The following PRKAG3 variants were observed in gnomAD, a reference collection of about 807,000 sequenced individuals.
The protein encoded by PRKAG3 is protein kinase AMP-activated non-catalytic subunit gamma 3.
Under a neutral mutation model 56.5 loss-of-function variants are expected in PRKAG3, and 39 were observed. The ratio of observed to expected loss-of-function variants is 0.69; its 90% confidence interval spans 0.53 to 0.90. The LOEUF is 0.90. Among genes scored for constraint, PRKAG3 ranks in the 40% least tolerant of loss-of-function variants. The pLI is 0.00. For synonymous variants in PRKAG3, 243 were observed against 250.1 expected (o/e 0.97, Z 0.27); for missense variants, 628 against 627.5 (o/e 1.00, Z -0.01).
intron 1 of PRKAG3, 31 bp downstream of exon 1, chr2:218,831,707 C>CCCGGCT: frequency 1.2e-6 from 2 of 1,605,012 alleles, no homozygotes; most frequent in Non-Finnish European, 1.7e-6. Flanking sequence ...CCTCAGCTGC[C>CCCGGCT]CCGGCTCCGG....
rs367736006 is a variant in PRKAG3 at position 218,828,076 on chromosome 2, C to A, written c.716-14G>T. ...TGGTCAGCATCCCTGCAGGGAGGGG[C>A]GGGGAGGAGGTCAGCCCGGGGCCTT... is the stretch of plus-strand genomic sequence containing the variant. On this transcript the variant is annotated splice_polypyrimidine_tract_variant and intron_variant, in intron 5 of 12. Transcript: ENST00000529249. 1 of 1,552,930 alleles carries A rather than the reference C, an allele frequency of 6.4e-7. No homozygotes were observed. The highest frequency in any genetic ancestry group is 8.7e-7 in the Non-Finnish European group (1 of 1,147,456).
Position 218,830,774 on chromosome 2 carries a change from C to T in PRKAG3, c.201G>A (p.Glu67=), listed in dbSNP as rs751090925. 65 of 1,612,788 alleles carry T rather than the reference C, an allele frequency of 4.0e-5. No individual in the cohort carries two copies. The South Asian group carries it at 6.3e-4, about 16-fold the overall frequency. Residue 67 remains glutamate, a synonymous_variant, in exon 3 of 13, where the codon GAG becomes GAA. Transcript: ENST00000529249. ...CCCCCTGACCTGGTGGCTCCCCTTC[C>T]TCCACCGACTTCTGCCTTGTCCATC...
chr2:218,830,753 C>A (rs1944009099), exon 3 of PRKAG3: 2 of 1,612,290 alleles, frequency 1.2e-6, no homozygotes, highest in African/African-American at 1.3e-5. Context: ...CACCTTCCCC[C>A]TGACCTGGTG....
chr2:218,830,446 T>C, intron 3 of PRKAG3, 65 bp from the exon 4 acceptor site: 1 of 1,539,354 alleles, frequency 6.5e-7, no homozygotes, highest in Non-Finnish European at 8.8e-7. Context: ...TCATCTGCTG[T>C]CGCCATTCAT....
At position 218,828,513 on chromosome 2, in the gene PRKAG3, C is replaced by T; in HGVS notation, c.715+6G>A. ...ATCTCCCTTCACCTCCCCAGCCTCTCCTCACCCACAAAGCTCTGCTTCTTG... is the reference window on the plus strand; with the variant it reads ...ATCTCCCTTCACCTCCCCAGCCTCTTCTCACCCACAAAGCTCTGCTTCTTG... On this transcript the variant is annotated splice_donor_region_variant and intron_variant, in intron 5 of 12. Coordinates refer to ENST00000529249, the Ensembl canonical transcript of PRKAG3. 1 of 1,612,326 alleles carries T rather than the reference C, an allele frequency of 6.2e-7. No individual in the cohort carries two copies. The highest frequency in any genetic ancestry group is 2.2e-5 in the East Asian group (1 of 44,806).
Position 218,831,390 on chromosome 2 carries a change from G to GT in PRKAG3, c.34-16dup. On this transcript the variant is annotated splice_polypyrimidine_tract_variant and intron_variant, in intron 1 of 12. Coordinates refer to ENST00000529249, the Ensembl canonical transcript of PRKAG3. ...CAGGAAGGGGTCTGTGGGGAGAAGA[G>GT]TTTCTGAAGGAGTGGGGAAAGTGCC... The GT allele has an allele frequency of 2.5e-6, 4 of 1,595,040 alleles. No homozygotes were observed. The highest frequency in any genetic ancestry group is 3.4e-6 in the Non-Finnish European group (4 of 1,170,630).
chr2:218,826,912 T>C lies in PRKAG3; in HGVS notation c.1168+16A>G. ...GCCCCAGCCCAGCCCGAGCCTCTCA[T>C]CCTGGGGGTGGGTACCACATTCGTT... On this transcript the variant is annotated intron_variant, in intron 10 of 12. Transcript: ENST00000529249. 1.9e-6 allele frequency: 3 copies of C among 1,613,866 alleles called. No individual in the cohort carries two copies. The highest frequency in any genetic ancestry group is 2.5e-6 in the Non-Finnish European group (3 of 1,179,966).
At chr2:218,826,383 T>C in intron 10 of PRKAG3, among the ~76,000 whole-genome samples, 1 of 152,240 alleles carries the variant, frequency 6.6e-6, no homozygotes, top group East Asian at 1.9e-4. Context: ...GCAGCCCTTT[T>C]TCAGTGTAGG....
Position 218,827,789 on chromosome 2 carries a change from CCACCAT to C in PRKAG3, c.820+38_820+43del. The C allele has an allele frequency of 1.3e-6, 2 of 1,518,370 alleles. No individual in the cohort carries two copies. The highest frequency in any genetic ancestry group is 4.8e-5 in the East Asian group (2 of 41,858). 94.1% of individuals were successfully genotyped at this position (1,518,370 alleles called of 1,614,324 possible). ...CCCATCCTCCACCTTAAGCCCTGGC[CCACCAT>C]CACCAACAGCCCTTTCCGGGTTCCT... On this transcript the variant is annotated intron_variant, in intron 7 of 12. Transcript: ENST00000529249. This position sits in a 1 kb window ranked among gnomAD's most constrained non-coding sequence, Gnocchi z 5.3.
rs762952340 is a variant in PRKAG3 at position 218,830,695 on chromosome 2, G to C, written c.229+51C>G. ...AGAGACCAGACCCAGGCTCCTCTGG[G>C]ATTTCCCACTCCCCTGGCTCCCACC... On this transcript the variant is annotated intron_variant, in intron 3 of 12. Transcript: ENST00000529249. The C allele has an allele frequency of 2.4e-5, 38 of 1,590,866 alleles. No homozygotes were observed. The African/African-American group carries it at 4.4e-4, about 19-fold the overall frequency.
rs1943950863 is a variant in PRKAG3, at chr2:218,827,494, G to C, written c.875+81C>G. 2.5e-6 allele frequency: 4 copies of C among 1,601,648 alleles called. No homozygotes were observed. Among genetic ancestry groups the C allele is most frequent in the Non-Finnish European group, 3.4e-6 (4 of 1,169,140 alleles). The stretch of plus-strand genomic sequence containing the variant: ...TTGTCTGTGTGCCGCCTAGGATGAA[G>C]AGGTGAGTTCAGAGCTGAGTGGGAC... On this transcript the variant is annotated intron_variant, in intron 8 of 12. Coordinates refer to ENST00000529249, the Ensembl canonical transcript of PRKAG3. The surrounding 1 kb of genome is among the most constrained non-coding windows in gnomAD (Gnocchi z 5.3).
intron 4 of PRKAG3, among the ~76,000 whole-genome samples, chr2:218,829,739 G>A (rs528481503): frequency 1.3e-5 from 2 of 152,290 alleles, no homozygotes; most frequent in East Asian, 1.9e-4. Context: ...GACAAGAAAG[G>A]TAATGTAACT....
At chr2:218,831,289 G>A (rs1467484041) in intron 2 of PRKAG3, 47 bp downstream of exon 2, 1 of 1,445,276 alleles carries the variant, frequency 6.9e-7, no homozygotes, top group Admixed American at 2.2e-5. Context: ...GGGGGACAAG[G>A]AGGTGGGGGA....
chr2:218,828,751 C>T (rs1943975140), intron 4 of PRKAG3, 151 bp from the exon 5 acceptor site: 1 of 611,954 alleles, frequency 1.6e-6, no homozygotes, highest in African/African-American at 1.8e-5. Context: ...CCCTCCTCTA[C>T]ACCAGCTGGC....
chr2:218,826,952 C>T (rs373570732), exon 10 of PRKAG3: 1 of 1,614,156 alleles, frequency 6.2e-7, no homozygotes, highest in Admixed American at 1.7e-5. Flanking sequence ...ACAGGCAGTG[C>T]AGACACACGC....
intron 4 of PRKAG3, 142 bp from the exon 5 acceptor site, chr2:218,828,742 C>T: frequency 1.6e-6 from 1 of 636,928 alleles, no homozygotes; most frequent in Admixed American, 2.8e-5. Context: ...TCTCCTGGAC[C>T]CTCCTCTACA....
chr2:218,826,541 C>T, intron 10 of PRKAG3: 1 of 304,212 alleles, frequency 3.3e-6, no homozygotes, highest in East Asian at 8.0e-5. Flanking sequence ...CTCCTGGCCT[C>T]AAGCGACCTT....
Position 218,827,017 on chromosome 2 carries a change from G to A in PRKAG3, c.1079C>T (p.Ala360Val). The change falls in exon 10 of 13, where the codon GCT (alanine) becomes GTT (valine). Residue 360 changes from alanine to valine, a missense_variant. Transcript: ENST00000529249. The surrounding 1 kb of genome is among the most constrained non-coding windows in gnomAD (Gnocchi z 5.3). ...GATGGGTGCTGTCTCCAGCACCACAGCCAAGTCTCGGAATGTGCCGATGCC... is the reference window on the plus strand; with the variant it reads ...GATGGGTGCTGTCTCCAGCACCACAACCAAGTCTCGGAATGTGCCGATGCC... 1 of 1,614,172 alleles carries A rather than the reference G, an allele frequency of 6.2e-7. No homozygotes were observed. Among genetic ancestry groups the A allele is most frequent in the Non-Finnish European group, 8.5e-7 (1 of 1,180,040 alleles).
At chr2:218,830,898 A>G (rs749590561) in exon 3 of PRKAG3, 2 of 1,613,706 alleles carry the variant, frequency 1.2e-6, no homozygotes, top group South Asian at 2.2e-5. Flanking sequence ...TAGGAAGCTC[A>G]TCTCTGGAAG....
Sources: gnomAD v4.1 joint callset for allele counts (sites outside exome capture counted in the v4.1 genomes callset) on GRCh38, gnomAD v4.1.1 for gene constraint, Gnocchi (gnomAD v3.1) non-coding constraint, MANE v1.5 for transcripts, NCBI Gene and HGNC (gene_info 2026-07-23, HGNC 2026-07-21) for gene names.